PKNOX2: variants seen among roughly 807,000 people sequenced by gnomAD.
The protein encoded by PKNOX2 is PBX/knotted 1 homeobox 2, also known as homeobox protein PKNOX2.
A neutral mutation model predicts 53.1 loss-of-function variants in PKNOX2; 14 were observed. The observed-to-expected ratio is 0.26, with a 90% CI of 0.17 to 0.41. The LOEUF (loss-of-function observed/expected upper bound fraction) is 0.41, where lower values mean the gene tolerates loss of function less well. Among genes scored for constraint, PKNOX2 ranks in the 10% least tolerant of loss-of-function variants. The pLI is 1.00. For synonymous variants in PKNOX2, 257 were observed against 242.8 expected, an observed-to-expected ratio of 1.06 and a Z score of -0.54; for missense variants, 496 against 602.8, an observed-to-expected ratio of 0.82 and a Z score of 1.85.
chr11:125,340,098 A>G (rs1950606630), intron 3 of PKNOX2, among the ~76,000 whole-genome samples: 1 of 152,220 alleles, frequency 6.6e-6, no homozygotes, highest in African/African-American at 2.4e-5. Flanking sequence ...GCAATGAAAT[A>G]TTTAACAAAA....
intron 2 of PKNOX2, among the ~76,000 whole-genome samples, chr11:125,325,109 C>G (rs73621082): frequency 7.9e-5 from 12 of 152,150 alleles, no homozygotes; most frequent in African/African-American, 2.9e-4. Context: ...TGAATTAAAG[C>G]GGACATTTGC....
chr11:125,298,749 C>T (rs116639765), intron 2 of PKNOX2, among the ~76,000 whole-genome samples: 81 of 152,288 alleles, frequency 5.3e-4, no homozygotes, highest in African/African-American at 1.8e-3. Flanking sequence ...CAGAAGAAGC[C>T]AAACAGTGGC....
chr11:125,295,229 A>G (rs559925906), intron 2 of PKNOX2, among the ~76,000 whole-genome samples: 9 of 152,340 alleles, frequency 5.9e-5, no homozygotes, highest in African/African-American at 2.2e-4. Context: ...CCTGACAACA[A>G]TGAACAAGGT....
chr11:125,194,908 C>G (rs1233433583), intron 1 of PKNOX2, among the ~76,000 whole-genome samples: 2 of 152,166 alleles, frequency 1.3e-5, no homozygotes, highest in Admixed American at 6.5e-5. Context: ...TGCAGCACTT[C>G]CAACATGCCA....
chr11:125,261,438 C>T (rs2135733486), intron 2 of PKNOX2, among the ~76,000 whole-genome samples: 1 of 152,262 alleles, frequency 6.6e-6, no homozygotes, highest in Middle Eastern at 3.4e-3. Flanking sequence ...TTCAGGGTGC[C>T]CTGCAGCTAA....
At chr11:125,207,191 TTC>T (rs769704652) in intron 1 of PKNOX2, among the ~76,000 whole-genome samples, 4 of 151,784 alleles carry the variant, frequency 2.6e-5, no homozygotes, top group Admixed American at 6.6e-5. Context: ...TAGATTCTTC[TTC>T]TCTCTCTCTC....
At chr11:125,201,552 G>A (rs777748978) in intron 1 of PKNOX2, among the ~76,000 whole-genome samples, 3 of 152,260 alleles carry the variant, frequency 2.0e-5, no homozygotes, top group East Asian at 1.9e-4. Flanking sequence ...GTCCCTCTCC[G>A]AGCTGGAGTT....
intron 2 of PKNOX2, among the ~76,000 whole-genome samples, chr11:125,310,224 C>A (rs10893367): frequency 0.23 from 34,952 of 151,828 alleles, 4,663 homozygotes; most frequent in East Asian, 0.51. Context: ...AGGCCGGGCG[C>A]GGTGGCTCAC....
At chr11:125,241,874 T>C (rs12575959) in intron 2 of PKNOX2, among the ~76,000 whole-genome samples, 37,111 of 150,906 alleles carry the variant, frequency 0.25, 4,808 homozygotes, top group East Asian at 0.46. Flanking sequence ...ACAAAACAAA[T>C]GAACAAAAAA....
intron 1 of PKNOX2, among the ~76,000 whole-genome samples, chr11:125,214,665 TCAATCAGG>T: frequency 6.6e-6 from 1 of 152,070 alleles, no homozygotes; most frequent in East Asian, 1.9e-4. Flanking sequence ...ATCTGCACCA[TCAATCAGG>T]CAATGCAGCC....
chr11:125,390,645 T>C (rs1300330994), intron 6 of PKNOX2, among the ~76,000 whole-genome samples: 1 of 152,198 alleles, frequency 6.6e-6, no homozygotes, highest in Non-Finnish European at 1.5e-5. Flanking sequence ...GTTGTTATTA[T>C]CCCCATTTGA....
At position 125,240,625 on chromosome 11, in the gene PKNOX2, C is replaced by G. The variant is rs1442781632; in HGVS notation, c.-130+5510C>G. On this transcript the variant is annotated intron_variant, in intron 2 of 12. Transcript: ENST00000298282. The surrounding 1 kb of genome is among the most constrained non-coding windows in gnomAD (Gnocchi z 4.3). ...AATGCAGTTCTAAATCCTTGTCCAGCCTGAAAGGATTTCCCTCTTTTTTCT... is the reference window on the plus strand; with the variant it reads ...AATGCAGTTCTAAATCCTTGTCCAGGCTGAAAGGATTTCCCTCTTTTTTCT... Among the ~76,000 whole-genome samples, 2 of 152,112 alleles carry G rather than the reference C, an allele frequency of 1.3e-5. No individual in the cohort carries two copies. Among genetic ancestry groups the G allele is most frequent in the Non-Finnish European group, 1.5e-5 (1 of 68,036 alleles).
intron 3 of PKNOX2, among the ~76,000 whole-genome samples, chr11:125,348,806 AC>A (rs1951133326): frequency 6.6e-6 from 1 of 152,078 alleles, no homozygotes; most frequent in Non-Finnish European, 1.5e-5. Context: ...CTTCATTATG[AC>A]CTTCTAATCC....
chr11:125,367,941 C>T lies in PKNOX2; in HGVS notation c.183C>T (p.Ile61=), dbSNP rs752191121. Reference sequence around the variant, plus strand: ...GCACACCTGTGCCCAGTGCCCCCATCGACCCCCAGGCCCAGCTGGAGGCTG... The same window carrying T: ...GCACACCTGTGCCCAGTGCCCCCATTGACCCCCAGGCCCAGCTGGAGGCTG... ...AASTPVPSAP[I]DPQAQLEADK... is the part of the protein sequence containing the mutation. Residue 61 remains isoleucine, a synonymous_variant, in exon 5 of 13, where the codon ATC becomes ATT. Coordinates refer to ENST00000298282, the MANE Select transcript of PKNOX2 (RefSeq NM_001382323.2). The T allele has an allele frequency of 3.1e-6, 5 of 1,613,428 alleles. No homozygotes were observed. The highest frequency in any genetic ancestry group is 3.4e-6 in the Non-Finnish European group (4 of 1,179,688).
intron 1 of PKNOX2, among the ~76,000 whole-genome samples, chr11:125,219,985 G>A (rs76328529): frequency 2.0e-5 from 3 of 152,176 alleles, no homozygotes; most frequent in African/African-American, 4.8e-5. Flanking sequence ...GCAAAAGATT[G>A]GAAAGAACCC....
chr11:125,177,486 G>T (rs930771588), intron 1 of PKNOX2, among the ~76,000 whole-genome samples: 2 of 152,196 alleles, frequency 1.3e-5, no homozygotes, highest in Admixed American at 6.5e-5. Context: ...TCTGCTGCTT[G>T]CTGGCTATGT....
chr11:125,227,517 C>G (rs980319079), intron 1 of PKNOX2, among the ~76,000 whole-genome samples: 1 of 152,158 alleles, frequency 6.6e-6, no homozygotes, highest in Non-Finnish European at 1.5e-5. Flanking sequence ...AGAATAGTAT[C>G]CTCGAGGTTC....
intron 8 of PKNOX2, 150 bp downstream of exon 8, chr11:125,410,475 G>C (rs1955440033): frequency 4.5e-5 from 52 of 1,143,776 alleles, no homozygotes; most frequent in Non-Finnish European, 6.2e-5. Flanking sequence ...TAAGTTTATA[G>C]ACGGTTAGCG....
intron 2 of PKNOX2, among the ~76,000 whole-genome samples, chr11:125,271,385 G>A (rs1945778727): frequency 6.6e-6 from 1 of 152,180 alleles, no homozygotes. Flanking sequence ...CATCTCCATT[G>A]CTGAATTCTC....
Sources: gnomAD v4.1 joint callset for allele counts (sites outside exome capture counted in the v4.1 genomes callset) on GRCh38, gnomAD v4.1.1 for gene constraint, Gnocchi (gnomAD v3.1) non-coding constraint, MANE v1.5 for transcripts, NCBI Gene and HGNC (gene_info 2026-07-23, HGNC 2026-07-21) for gene names.